The following CDK6 variants were observed in gnomAD, a reference collection of about 807,000 sequenced individuals.
The protein encoded by CDK6 is cyclin dependent kinase 6.
CDK6 carries 6 observed loss-of-function variants against 37.1 expected under a neutral mutation model. The observed-to-expected ratio is 0.16, with a 90% confidence interval of 0.09 to 0.32. CDK6 has a LOEUF of 0.32. Ranked by LOEUF, CDK6 falls within the 10% of genes least tolerant of loss-of-function variation. The pLI is 1.00. For synonymous variants in CDK6, 160 were observed against 161.3 expected, an observed-to-expected ratio of 0.99 and a Z score of 0.06; for missense variants, 224 against 418.9, an observed-to-expected ratio of 0.53 and a Z score of 4.06.
At chr7:92,622,942 CAAGAGATAAACACATGA>C in intron 6 of CDK6, 77 bp downstream of exon 6, 1 of 762,568 alleles carries the variant, frequency 1.3e-6, no homozygotes. Flanking sequence ...GTAAGAAAGA[CAAGAGATAAACACATGA>C]TATGCATGTC....
At chr7:92,818,833 T>C (rs988410534) in intron 2 of CDK6, among the ~76,000 whole-genome samples, 5 of 152,028 alleles carry the variant, frequency 3.3e-5, no homozygotes, top group Non-Finnish European at 5.9e-5. Flanking sequence ...TCAACAACAT[T>C]AGTCATCAAG....
chr7:92,689,412 G>A (rs771611840), intron 4 of CDK6, among the ~76,000 whole-genome samples: 1 of 152,140 alleles, frequency 6.6e-6, no homozygotes, highest in Non-Finnish European at 1.5e-5. Context: ...CCATGTCCCA[G>A]CAAAGGACAT....
intron 4 of CDK6, among the ~76,000 whole-genome samples, chr7:92,720,319 G>T (rs989523972): frequency 1.5e-4 from 23 of 152,102 alleles, no homozygotes; most frequent in African/African-American, 5.3e-4. Context: ...CTGAATTTTT[G>T]GTATGGAGAA....
intron 4 of CDK6, among the ~76,000 whole-genome samples, chr7:92,700,461 A>C (rs1414158364): frequency 6.6e-6 from 1 of 152,198 alleles, no homozygotes; most frequent in African/African-American, 2.4e-5. Context: ...ATGAAGGAGA[A>C]AGAAAGATTA....
chr7:92,640,084 G>A (rs1215992986), intron 5 of CDK6, among the ~76,000 whole-genome samples: 1 of 152,172 alleles, frequency 6.6e-6, no homozygotes, highest in Non-Finnish European at 1.5e-5. Flanking sequence ...AACTAGTGGG[G>A]AGGCTGAAGT....
intron 3 of CDK6, among the ~76,000 whole-genome samples, chr7:92,765,037 T>C (rs1799545849): frequency 6.6e-6 from 1 of 152,232 alleles, no homozygotes; most frequent in Non-Finnish European, 1.5e-5. Flanking sequence ...TATAGTATAG[T>C]ACTTCAAAGA....
intron 4 of CDK6, among the ~76,000 whole-genome samples, chr7:92,672,134 C>CATATACATATATATATATAT (rs1554401673): frequency 1.5e-5 from 1 of 65,408 alleles, no homozygotes; most frequent in African/African-American, 7.1e-5. Context: ...AAAAGCTGTA[C>CATATACATATATATATATAT]ATATATATAT....
chr7:92,673,574 A>G (rs965681985), intron 4 of CDK6, among the ~76,000 whole-genome samples: 5 of 152,160 alleles, frequency 3.3e-5, no homozygotes, highest in African/African-American at 1.2e-4. Context: ...TTTTCCATCA[A>G]TGCATCACCT....
chr7:92,775,162 T>A (rs773570207), intron 2 of CDK6, among the ~76,000 whole-genome samples: 1 of 152,202 alleles, frequency 6.6e-6, no homozygotes, highest in African/African-American at 2.4e-5. Context: ...TTTCAAAAAC[T>A]TGATGTCTAG....
chr7:92,618,519 G>A (rs1404595478), intron 6 of CDK6, among the ~76,000 whole-genome samples: 16 of 152,298 alleles, frequency 1.1e-4, no homozygotes, highest in Non-Finnish European at 2.4e-4. Context: ...AGTAAGCTCT[G>A]ACTTAGTGAC....
At chr7:92,749,683 C>A (rs1799144138) in intron 3 of CDK6, among the ~76,000 whole-genome samples, 1 of 152,256 alleles carries the variant, frequency 6.6e-6, no homozygotes, top group Non-Finnish European at 1.5e-5. Flanking sequence ...GTGGGTGTGT[C>A]CTGTAAGTTT....
At chr7:92,811,082 G>A (rs1285164224) in intron 2 of CDK6, among the ~76,000 whole-genome samples, 2 of 152,052 alleles carry the variant, frequency 1.3e-5, no homozygotes, top group Admixed American at 1.3e-4. Flanking sequence ...AATTATATAG[G>A]AGAAATATCA....
intron 5 of CDK6, among the ~76,000 whole-genome samples, chr7:92,627,024 C>T (rs1365681740): frequency 3.3e-5 from 5 of 152,008 alleles, no homozygotes. Context: ...ATATTTATAG[C>T]AGCATTATTC....
intron 4 of CDK6, among the ~76,000 whole-genome samples, chr7:92,719,320 T>C (rs1798310853): frequency 1.3e-5 from 2 of 152,184 alleles, no homozygotes; most frequent in South Asian, 4.1e-4. Context: ...TTAAATAAGT[T>C]AATGATCTCA....
Position 92,672,170 on chromosome 7 carries a change from C to T in CDK6, c.538-635G>A, listed in dbSNP as rs28609541. Among the ~76,000 whole-genome samples the T allele has an allele frequency of 2.9e-3, 294 of 101,284 alleles. 3 individuals are homozygous for T. Among genetic ancestry groups the T allele is most frequent in the Middle Eastern group, 0.011 (2 of 182 alleles). The allele number at this position is 101,284 out of a possible 152,430, so 66.4% of individuals were successfully genotyped here. A position where few individuals can be genotyped will look rare whatever the true frequency, so the allele number is the denominator to read the frequency against. On this transcript the variant is annotated intron_variant, in intron 4 of 7. Transcript: ENST00000424848. ...ATATATATATATATATACACATACA[C>T]ACACACACACACAGACACATACACA...
intron 3 of CDK6, among the ~76,000 whole-genome samples, chr7:92,761,868 T>C (rs2115727627): frequency 6.6e-6 from 1 of 152,366 alleles, no homozygotes; most frequent in Non-Finnish European, 1.5e-5. Flanking sequence ...CTTAATTCAC[T>C]CTAATGTAAT....
At chr7:92,802,215 T>C (rs1358993704) in intron 2 of CDK6, among the ~76,000 whole-genome samples, 3 of 152,002 alleles carry the variant, frequency 2.0e-5, no homozygotes, top group East Asian at 1.9e-4. Flanking sequence ...TGAGTCTCCA[T>C]TGTCCAACAT....
At chr7:92,710,684 G>T in intron 4 of CDK6, 1 of 984,512 alleles carries the variant, frequency 1.0e-6, no homozygotes, top group Non-Finnish European at 1.2e-6. Flanking sequence ...AAACAAAGGA[G>T]ACCAAAGCAG....
At chr7:92,802,194 G>T (rs758234114) in intron 2 of CDK6, among the ~76,000 whole-genome samples, 1 of 151,858 alleles carries the variant, frequency 6.6e-6, no homozygotes, top group Admixed American at 6.6e-5. Context: ...AACTCTGCCA[G>T]TCTCCACCTC....
Sources: gnomAD v4.1 joint callset for allele counts (sites outside exome capture counted in the v4.1 genomes callset) on GRCh38, gnomAD v4.1.1 for gene constraint, MANE v1.5 for transcripts, NCBI Gene and HGNC (gene_info 2026-07-23, HGNC 2026-07-21) for gene names.